The following TMC7 variants were observed in gnomAD, a reference collection of about 807,000 sequenced individuals.
TMC7 encodes the protein transmembrane channel like 7.
Under a neutral mutation model 82.9 loss-of-function variants are expected in TMC7, and 54 were observed. That is an observed-to-expected ratio of 0.65 (90% CI 0.52 to 0.82). The LOEUF (loss-of-function observed/expected upper bound fraction) is 0.82, where lower values mean the gene tolerates loss of function less well. Among genes scored for constraint, TMC7 ranks in the 40% least tolerant of loss-of-function variants. The probability of loss-of-function intolerance (pLI) is 0.00; values close to 1 mark genes in which losing one functional copy is unlikely to be tolerated. For synonymous variants in TMC7, 350 were observed against 337.9 expected (o/e 1.04, Z -0.39); for missense variants, 820 against 901.2 (o/e 0.91, Z 1.15).
At chr16:19,016,280 G>T (rs1293505162) in intron 2 of TMC7, among the ~76,000 whole-genome samples, 170 bp from the exon 3 acceptor site, 1 of 151,808 alleles carries the variant, frequency 6.6e-6, no homozygotes, top group African/African-American at 2.4e-5. Context: ...AGTAGAGATG[G>T]TGTTTCACCA....
At position 19,047,242 on chromosome 16, in the gene TMC7, T is replaced by C; in HGVS notation, c.1733T>C (p.Val578Ala). The C allele has an allele frequency of 6.2e-7, 1 of 1,613,572 alleles. No individual in the cohort carries two copies. Among genetic ancestry groups the C allele is most frequent in the Non-Finnish European group, 8.5e-7 (1 of 1,179,840 alleles). Reference protein sequence around the residue: ...ATLKFIIIFYVKEWSLLYTCR... With the variant: ...ATLKFIIIFYAKEWSLLYTCR... ...CTGAAATTCATTATCATCTTCTATG[T>C]GAAAGAGGTAAGGAGCCGGTGGGAA... The change falls in exon 12 of 16, where the codon GTG becomes GCG. Residue 578 changes from valine (V) to alanine (A), a missense_variant. This residue lies in a region of TMC7 where 170 missense variants were observed against 231.3 expected (regional missense o/e 0.74). Transcript: ENST00000304381.
chr16:19,006,211 T>C (rs2039237739), intron 1 of TMC7, among the ~76,000 whole-genome samples: 1 of 151,970 alleles, frequency 6.6e-6, no homozygotes. Context: ...ACCTTTTTTT[T>C]TTTTTTTGGA....
intron 9 of TMC7, among the ~76,000 whole-genome samples, chr16:19,042,804 T>A (rs561574479): frequency 6.6e-6 from 1 of 152,058 alleles, no homozygotes; most frequent in African/African-American, 2.4e-5. Flanking sequence ...TAGAGTGCAG[T>A]GGCGCGATCT....
chr16:19,054,936 C>T (rs1011164700), intron 13 of TMC7, among the ~76,000 whole-genome samples: 4 of 151,858 alleles, frequency 2.6e-5, no homozygotes, highest in Non-Finnish European at 4.4e-5. Flanking sequence ...TTAGTAGAGA[C>T]GGGGTTTCGC....
At chr16:19,025,924 T>TTG (rs1314865562) in intron 5 of TMC7, among the ~76,000 whole-genome samples, 3 of 151,316 alleles carry the variant, frequency 2.0e-5, no homozygotes, top group Non-Finnish European at 3.0e-5. Context: ...CCCAGCTAAT[T>TTG]TGTGTGTGTG....
At position 19,045,188 on chromosome 16, in the gene TMC7, G is replaced by T. The variant is rs1961213191; in HGVS notation, c.1456-153G>T. The T allele has an allele frequency of 6.1e-6, 5 of 823,878 alleles. 1 individual carries two copies. The highest frequency in any genetic ancestry group is 6.8e-4 in the Middle Eastern group (2 of 2,932). The allele number at this position is 823,878 out of a possible 1,614,324, so 51.0% of individuals were successfully genotyped here. A position where few individuals can be genotyped will look rare whatever the true frequency, so the allele number is the denominator to read the frequency against. On this transcript the variant is annotated intron_variant, in intron 10 of 15. Coordinates refer to ENST00000304381, the MANE Select transcript of TMC7 (RefSeq NM_024847.4). ...CACTTCTGAGGGCTTGGAAACCAAG[G>T]TCTGTGCTGAGGCTCAGAGTTTGCA...
At chr16:19,033,389 A>T (rs78467912) in intron 6 of TMC7, 1 of 152,158 alleles carries the variant, frequency 6.6e-6, no homozygotes, top group East Asian at 1.9e-4. Context: ...CATCTGTAAA[A>T]TGTAGTTCTG....
chr16:19,049,731 C>A, intron 12 of TMC7: 1 of 907,328 alleles, frequency 1.1e-6, no homozygotes, highest in Non-Finnish European at 1.3e-6. Context: ...CATGTCCCGC[C>A]GGCTGCCCCG....
chr16:18,991,961 GTA>G (rs1277017803), intron 1 of TMC7, among the ~76,000 whole-genome samples: 1 of 152,098 alleles, frequency 6.6e-6, no homozygotes, highest in Non-Finnish European at 1.5e-5. Context: ...ATTCCATGGT[GTA>G]TATGTGCCAC....
At chr16:19,013,608 C>T (rs973657464) in intron 2 of TMC7, among the ~76,000 whole-genome samples, 2 of 152,056 alleles carry the variant, frequency 1.3e-5, no homozygotes, top group Non-Finnish European at 1.5e-5. Context: ...ACCTCTGCCT[C>T]GCGGGTTTCA....
intron 12 of TMC7, among the ~76,000 whole-genome samples, chr16:19,050,099 C>T (rs184313863): frequency 9.2e-4 from 140 of 152,112 alleles, no homozygotes; most frequent in African/African-American, 3.1e-3. Context: ...TGGCCGGGCC[C>T]GGTGGCTCAT....
chr16:19,059,126 C>T (rs193085223), intron 14 of TMC7, among the ~76,000 whole-genome samples: 1 of 152,262 alleles, frequency 6.6e-6, no homozygotes, highest in Non-Finnish European at 1.5e-5. Flanking sequence ...GATCCGCCTG[C>T]CTCGGCCTCC....
rs1464936726 is a variant in TMC7 at position 19,030,307 on chromosome 16, C to T, written c.795C>T (p.Pro265=). The change falls in exon 6 of 16, where the codon CCC becomes CCT. Residue 265 remains proline (P), a synonymous_variant. Transcript: ENST00000304381. ...VKFQNFTYDL[P]LAYLLSTIAS... ...TTCAGAACTTCACCTATGATCTGCC[C>T]CTGGCGTATTTGTTAAGCACAATCG... 6.2e-7 allele frequency: 1 copy of T among 1,613,718 alleles called. No individual in the cohort carries two copies. Among genetic ancestry groups the T allele is most frequent in the Admixed American group, 1.7e-5 (1 of 59,984 alleles).
At chr16:19,006,006 G>C (rs1596732538) in intron 1 of TMC7, among the ~76,000 whole-genome samples, 1 of 152,188 alleles carries the variant, frequency 6.6e-6, no homozygotes, top group African/African-American at 2.4e-5. Flanking sequence ...AAAGATTACA[G>C]TGTCAGAGCC....
rs146147407 is a variant in TMC7, at chr16:19,019,659, A to T, written c.461-1970A>T. Among the ~76,000 whole-genome samples the T allele has an allele frequency of 1.5e-4, 23 of 152,288 alleles. No individual in the cohort carries two copies. In the East Asian group the frequency reaches 4.4e-3, roughly 29 times the overall value. On this transcript the variant is annotated intron_variant, in intron 3 of 15. Transcript: ENST00000304381. ...TTGAACCCAGGCATTCAAGATGTAG[A>T]GTCCAAGGTTTTAGCCACTATGTCT...
intron 6 of TMC7, among the ~76,000 whole-genome samples, chr16:19,035,224 T>TG (rs1426429110): frequency 6.6e-5 from 10 of 152,132 alleles, no homozygotes; most frequent in African/African-American, 2.4e-4. Flanking sequence ...AGTTAAACAT[T>TG]GGGTACTCAT....
chr16:19,047,805 C>G (rs1286248922), intron 12 of TMC7, among the ~76,000 whole-genome samples: 2 of 151,320 alleles, frequency 1.3e-5, no homozygotes, highest in Non-Finnish European at 2.9e-5. Context: ...CTCTGCCCCC[C>G]CAGGTTCGAG....
At chr16:19,049,788 A>G (rs1468131411) in intron 12 of TMC7, 2 of 318,916 alleles carry the variant, frequency 6.3e-6, no homozygotes, top group Non-Finnish European at 4.5e-6. Flanking sequence ...TCTGGCTCAC[A>G]AGATGTTCCG....
rs1453121965 is a variant in TMC7 at position 19,061,763 on chromosome 16, C to G, written c.2107-15C>G. 6.2e-7 allele frequency: 1 copy of G among 1,610,110 alleles called. No individual in the cohort carries two copies. The highest frequency in any genetic ancestry group is 1.7e-5 in the Admixed American group (1 of 59,466). On this transcript the variant is annotated splice_polypyrimidine_tract_variant and intron_variant, in intron 15 of 15. Transcript: ENST00000304381. ...CAAATATATTAAATGTACATGTGAA[C>G]TTATTATTTTTTAGGAAAGTCGTGA...
Sources: allele counts gnomAD v4.1 joint callset (sites outside exome capture counted in the v4.1 genomes callset), GRCh38; gene constraint gnomAD v4.1.1; regional missense constraint gnomAD v4.1.1; transcripts MANE v1.5; gene names NCBI Gene and HGNC (gene_info 2026-07-23, HGNC 2026-07-21).